The following ZNF454 variants were observed in gnomAD, a reference collection of about 807,000 sequenced individuals.
ZNF454 encodes zinc finger protein 454.
Under a neutral mutation model 48.2 loss-of-function variants are expected in ZNF454, and 30 were observed. That is an observed-to-expected ratio of 0.62 (90% CI 0.47 to 0.84). The LOEUF is 0.84. ZNF454 is among the 40% of genes least tolerant of loss of function. The probability of loss-of-function intolerance (pLI) is 0.00; values close to 1 mark genes in which losing one functional copy is unlikely to be tolerated. For missense variants in ZNF454, 510 were observed against 623.1 expected (o/e 0.82, Z 1.93); for synonymous variants, 204 against 211.4 (o/e 0.97, Z 0.30).
At chr5:178,989,215 T>TCCCCCCCCCCCCCC in the ZNF454 span, 2 of 886,676 alleles carry the variant, frequency 2.3e-6, no homozygotes, top group Non-Finnish European at 3.2e-6. Flanking sequence ...CTCCCCACCC[T>TCCCCCCCCCCCCCC]CACCACCCTC....
chr5:178,958,794 G>T (rs550318671), intron 4 of ZNF454, among the ~76,000 whole-genome samples: 52 of 152,282 alleles, frequency 3.4e-4, no homozygotes, highest in African/African-American at 1.3e-3. Context: ...AACTGAAGTT[G>T]ATCTTCTTAC....
chr5:178,985,509 C>T, the ZNF454 span: 24 of 336,828 alleles, frequency 7.1e-5, no homozygotes, highest in African/African-American at 2.4e-4. Flanking sequence ...CGAGACCATC[C>T]TGGCTAACAC....
the ZNF454 span, among the ~76,000 whole-genome samples, chr5:178,972,157 C>T: frequency 2.0e-5 from 3 of 152,108 alleles, no homozygotes; most frequent in East Asian, 1.9e-4. Flanking sequence ...TGGTCTCGAA[C>T]TCCTGATGTT....
chr5:178,986,015 G>T, the ZNF454 span: 3 of 951,904 alleles, frequency 3.2e-6, no homozygotes, highest in Non-Finnish European at 4.7e-6. Flanking sequence ...ACCCACCTCA[G>T]CCTCCAAAGG....
chr5:178,987,328 A>AG, the ZNF454 span: 1 of 495,876 alleles, frequency 2.0e-6, no homozygotes, highest in Admixed American at 2.3e-5. Context: ...TCGAGAGACT[A>AG]GAAAGCAGGG....
At chr5:178,971,998 A>G in the ZNF454 span, among the ~76,000 whole-genome samples, 5 of 152,164 alleles carry the variant, frequency 3.3e-5, no homozygotes, top group African/African-American at 1.2e-4. Context: ...CAATGGTGCA[A>G]TCTCGGCTCC....
intron 4 of ZNF454, among the ~76,000 whole-genome samples, chr5:178,961,220 C>T (rs570719836): frequency 1.3e-4 from 19 of 151,828 alleles, no homozygotes; most frequent in South Asian, 8.3e-4. Context: ...AGAGCCACCA[C>T]ACCTGGCCCA....
At chr5:178,945,712 G>GGT (rs1366898726) in intron 2 of ZNF454, among the ~76,000 whole-genome samples, 2 of 151,036 alleles carry the variant, frequency 1.3e-5, no homozygotes, top group Admixed American at 6.6e-5. Context: ...TGTGGGTATG[G>GGT]GTGTGTGTGT....
chr5:178,977,292 G>A, the ZNF454 span: 54 of 342,906 alleles, frequency 1.6e-4, no homozygotes, highest in African/African-American at 1.0e-3. Flanking sequence ...TAGAGCCCTC[G>A]GGAATGGGAT....
At chr5:178,986,122 G>A in the ZNF454 span, 235 of 1,612,050 alleles carry the variant, frequency 1.5e-4, 1 homozygote, top group African/African-American at 4.9e-4. Flanking sequence ...GGGAGCCTAC[G>A]GACCCACCTG....
At chr5:178,975,732 C>A in the ZNF454 span, 1 of 420,020 alleles carries the variant, frequency 2.4e-6, no homozygotes, top group Non-Finnish European at 5.0e-6. Flanking sequence ...GTCACCTGGC[C>A]AGGCTATGGT....
downstream of ZNF454, chr5:178,969,270 A>G (rs1181751817): frequency 3.3e-5 from 12 of 365,500 alleles, no homozygotes; most frequent in Non-Finnish European, 6.0e-5. Flanking sequence ...CTCAACCCCT[A>G]AAAGTACATT....
chr5:178,963,040 C>G (rs982143000), intron 4 of ZNF454, among the ~76,000 whole-genome samples: 7 of 151,752 alleles, frequency 4.6e-5, no homozygotes, highest in Admixed American at 1.3e-4. Context: ...CTAGAAAATT[C>G]TGGATTTCTG....
At chr5:178,951,138 A>G (rs1040424931) in intron 4 of ZNF454, among the ~76,000 whole-genome samples, 52 of 152,248 alleles carry the variant, frequency 3.4e-4, no homozygotes, top group South Asian at 4.1e-4. Context: ...GATTACAGGC[A>G]TGAGCCACTG....
At chr5:178,984,491 G>C in the ZNF454 span, among the ~76,000 whole-genome samples, 5 of 152,186 alleles carry the variant, frequency 3.3e-5, no homozygotes, top group African/African-American at 1.2e-4. Flanking sequence ...TTGCAGGCTT[G>C]TGTGTTTTTA....
chr5:178,972,754 G>C, the ZNF454 span, among the ~76,000 whole-genome samples: 126 of 152,238 alleles, frequency 8.3e-4, no homozygotes, highest in African/African-American at 2.8e-3. Flanking sequence ...TGAGCCACGT[G>C]GGGGTGAGAG....
At chr5:178,952,797 CT>C (rs1759611155) in intron 4 of ZNF454, among the ~76,000 whole-genome samples, 1 of 151,746 alleles carries the variant, frequency 6.6e-6, no homozygotes, top group African/African-American at 2.4e-5. Flanking sequence ...TTTTATTAGA[CT>C]TTTAAATGAC....
intron 2 of ZNF454, among the ~76,000 whole-genome samples, chr5:178,945,323 T>C (rs1383880019): frequency 6.6e-6 from 1 of 151,398 alleles, no homozygotes; most frequent in Non-Finnish European, 1.5e-5. Flanking sequence ...TGTGTATGTT[T>C]GTGTGTGTTT....
rs930487078 is a variant in ZNF454 at position 178,942,884 on chromosome 5, G to T, written c.33+60G>T. 6 of 1,571,862 alleles carry T rather than the reference G, an allele frequency of 3.8e-6. No individual in the cohort carries two copies. In the African/African-American group the frequency reaches 4.0e-5, roughly 11 times the overall value. On this transcript the variant is annotated intron_variant, in intron 2 of 4. Coordinates refer to ENST00000519564, the MANE Select transcript of ZNF454 (RefSeq NM_001178089.3). ...TGGATTTGAAGAGTGTGGCATGTTT[G>T]CTTCCTCAGACCGGGAGCTTTATTC...
Sources: gnomAD v4.1 joint callset for allele counts (sites outside exome capture counted in the v4.1 genomes callset) on GRCh38, gnomAD v4.1.1 for gene constraint, MANE v1.5 for transcripts, NCBI Gene and HGNC (gene_info 2026-07-23, HGNC 2026-07-21) for gene names.